Variants in SOS2 observed in about 807,000 individuals in gnomAD.
SOS2 encodes son of sevenless homolog 2.
In SOS2, 65 loss-of-function variants were observed where a neutral mutation model predicts 148.2. That is an observed-to-expected ratio of 0.44 (90% CI 0.36 to 0.54). SOS2 has a LOEUF of 0.54. Ranked by LOEUF, SOS2 falls within the 20% of genes least tolerant of loss-of-function variation. The pLI, the probability that SOS2 is intolerant of heterozygous loss-of-function variation, is 0.00. For synonymous variants in SOS2, 539 were observed against 537.1 expected, an observed-to-expected ratio of 1.00 and a Z score of -0.05; for missense variants, 1,341 against 1,590.2, an observed-to-expected ratio of 0.84 and a Z score of 2.67.
chr14:50,192,527 G>A (rs1224402815), intron 4 of SOS2, among the ~76,000 whole-genome samples: 1 of 152,106 alleles, frequency 6.6e-6, no homozygotes, highest in Admixed American at 6.6e-5. Context: ...CTACACTCCA[G>A]CCTGGGCGAA....
At chr14:50,224,883 CAAAA>C (rs373602186) in intron 1 of SOS2, among the ~76,000 whole-genome samples, 24 of 96,702 alleles carry the variant, frequency 2.5e-4, no homozygotes, top group Admixed American at 1.3e-3. Context: ...AAAACCCTGT[CAAAA>C]AAAAAAAAAA....
chr14:50,210,938 G>C (rs1005288700), intron 1 of SOS2, among the ~76,000 whole-genome samples: 2 of 152,014 alleles, frequency 1.3e-5, no homozygotes, highest in Non-Finnish European at 2.9e-5. Flanking sequence ...ACTGCTACTG[G>C]AATGTAAAAT....
chr14:50,130,006 T>C lies in SOS2; in HGVS notation c.3338-4A>G, dbSNP rs777684425. 9 of 1,580,814 alleles carry C rather than the reference T, an allele frequency of 5.7e-6. No individual in the cohort carries two copies. The highest frequency in any genetic ancestry group is 2.3e-5 in the South Asian group (2 of 88,032). On this transcript the variant is annotated splice_polypyrimidine_tract_variant and splice_region_variant and intron_variant, in intron 20 of 22. Coordinates refer to ENST00000216373, the MANE Select transcript of SOS2 (RefSeq NM_006939.4). ...GGAGCAAAGATGCTATTGCTGCCTA[T>C]TGGAATAAGAAAAATTAATTTGAAA...
chr14:50,186,619 T>C (rs1371528112), intron 5 of SOS2, among the ~76,000 whole-genome samples: 1 of 140,832 alleles, frequency 7.1e-6, no homozygotes, highest in Admixed American at 6.8e-5. Context: ...CCATCTATAT[T>C]TAAAAAAAAA....
chr14:50,227,307 C>T (rs1365923058), intron 1 of SOS2, among the ~76,000 whole-genome samples: 5 of 136,640 alleles, frequency 3.7e-5, no homozygotes, highest in African/African-American at 5.6e-5. Flanking sequence ...TGCAGTGGTG[C>T]GATCTCAGCC....
At chr14:50,162,508 A>G (rs967886590) in intron 8 of SOS2, among the ~76,000 whole-genome samples, 1 of 152,250 alleles carries the variant, frequency 6.6e-6, no homozygotes, top group Non-Finnish European at 1.5e-5. Context: ...TTCATTAGCA[A>G]CTATGAATAG....
intron 1 of SOS2, among the ~76,000 whole-genome samples, chr14:50,218,973 C>T (rs1595034814): frequency 6.6e-6 from 1 of 151,910 alleles, no homozygotes; most frequent in African/African-American, 2.4e-5. Flanking sequence ...ATTAGCCGGG[C>T]GTGGTGGGGC....
At chr14:50,161,738 G>C (rs1403025425) in intron 8 of SOS2, 129 bp from the exon 9 acceptor site, 2 of 744,486 alleles carry the variant, frequency 2.7e-6, no homozygotes, top group Non-Finnish European at 4.1e-6. Flanking sequence ...AATAAAAACA[G>C]CTATAATTTT....
intron 21 of SOS2, among the ~76,000 whole-genome samples, chr14:50,127,332 G>C (rs931025569): frequency 6.6e-6 from 1 of 152,024 alleles, no homozygotes; most frequent in Non-Finnish European, 1.5e-5. Context: ...AGTAGAGATG[G>C]GGTTTCACCA....
At chr14:50,138,549 A>G (rs955767398) in intron 18 of SOS2, 63 bp downstream of exon 18, 1 of 556,758 alleles carries the variant, frequency 1.8e-6, no homozygotes, top group African/African-American at 2.0e-5. Flanking sequence ...TATTCATTCT[A>G]TTTTTTTTTT....
chr14:50,225,343 TATGCAGGATATA>T (rs1887336487), intron 1 of SOS2, among the ~76,000 whole-genome samples: 1 of 152,218 alleles, frequency 6.6e-6, no homozygotes, highest in Non-Finnish European at 1.5e-5. Context: ...TTGATTCAAA[TATGCAGGATATA>T]ATCAAATTAC....
intron 1 of SOS2, among the ~76,000 whole-genome samples, chr14:50,211,267 ATGT>A (rs75961793): frequency 2.6e-4 from 39 of 152,318 alleles, no homozygotes; most frequent in Middle Eastern, 3.4e-3. Context: ...GGTTAAAAAT[ATGT>A]TATTAAAATC....
intron 5 of SOS2, among the ~76,000 whole-genome samples, chr14:50,184,771 G>A (rs1026243487): frequency 8.6e-5 from 13 of 150,860 alleles, no homozygotes; most frequent in African/African-American, 2.9e-4. Context: ...GCTGAAGCTG[G>A]AGGATCTGCT....
chr14:50,215,742 C>A (rs989276498), intron 1 of SOS2, among the ~76,000 whole-genome samples: 4 of 151,970 alleles, frequency 2.6e-5, no homozygotes, highest in Non-Finnish European at 5.9e-5. Context: ...AAACAAAAAA[C>A]AAAATAGTCT....
Position 50,118,092 on chromosome 14 carries a change from T to C in SOS2, c.*252A>G, listed in dbSNP as rs1883350009. On this transcript the variant is annotated 3_prime_UTR_variant, in exon 23 of 23. Transcript: ENST00000216373. ...TTTTGCAGAGTTTACAGTGCAAATA[T>C]AAATTCTTTATACTGGCCTTTTGGC... 2.4e-6 allele frequency: 1 copy of C among 419,716 alleles called. No individual in the cohort carries two copies. 26.0% of individuals were successfully genotyped at this position (419,716 alleles called of 1,614,324 possible).
At chr14:50,194,742 C>A (rs1465817296) in intron 4 of SOS2, among the ~76,000 whole-genome samples, 1 of 149,326 alleles carries the variant, frequency 6.7e-6, no homozygotes, top group East Asian at 2.0e-4. Flanking sequence ...CACGCCACTG[C>A]GCTCCATACT....
At chr14:50,181,788 T>C (rs914691577) in intron 6 of SOS2, among the ~76,000 whole-genome samples, 3 of 152,064 alleles carry the variant, frequency 2.0e-5, no homozygotes, top group African/African-American at 7.2e-5. Flanking sequence ...GTGACTTTCA[T>C]CTAATTTATA....
In SOS2 at chr14:50,184,252, G is replaced by A. The variant is rs59396508; in HGVS notation, c.715-1646C>T. Among the ~76,000 whole-genome samples, 393 of 152,144 alleles carry A rather than the reference G, an allele frequency of 2.6e-3. 1 individual carries two copies. Among genetic ancestry groups the A allele is most frequent in the African/African-American group, 8.9e-3 (370 of 41,504 alleles). On this transcript the variant is annotated intron_variant, in intron 5 of 22. Transcript: ENST00000216373. ...TCATATGACTGACCATCCCGGTTAT[G>A]GCCAACTATTATTCACTCTGGCATC... is the stretch of plus-strand genomic sequence containing the variant.
intron 16 of SOS2, among the ~76,000 whole-genome samples, chr14:50,141,833 G>A (rs1364866440): frequency 6.6e-6 from 1 of 152,058 alleles, no homozygotes. Context: ...TAAGATTGGC[G>A]AGGATTTGCC....
Sources: allele counts gnomAD v4.1 joint callset (sites outside exome capture counted in the v4.1 genomes callset), GRCh38; gene constraint gnomAD v4.1.1; transcripts MANE v1.5; gene names NCBI Gene and HGNC (gene_info 2026-07-23, HGNC 2026-07-21).